Variants in TNFRSF1B observed in about 807,000 individuals in gnomAD.
TNFRSF1B encodes tumor necrosis factor receptor superfamily member 1B.
In TNFRSF1B, 19 loss-of-function variants were observed where a neutral mutation model predicts 44.6. The observed-to-expected ratio is 0.43, with a 90% CI of 0.30 to 0.62. The LOEUF is 0.62. TNFRSF1B is among the 20% of genes least tolerant of loss of function. The pLI is 0.16. For missense variants in TNFRSF1B, 541 were observed against 619.9 expected (o/e 0.87, Z 1.35); for synonymous variants, 252 against 261.1 (o/e 0.97, Z 0.34).
At chr1:12,191,606 A>C (rs931046622) in intron 3 of TNFRSF1B, 168 bp from the exon 4 acceptor site, 2 of 754,408 alleles carry the variant, frequency 2.7e-6, no homozygotes, top group Non-Finnish European at 4.5e-6. Flanking sequence ...GAGTAGCAGG[A>C]CTGCCGGTCC....
At position 12,194,285 on chromosome 1, in the gene TNFRSF1B, G is replaced by A. The variant is rs557988205; in HGVS notation, c.865+253G>A. ...CCTATCCAGGAAGCCTGGGGGATTC[G>A]GGCTTCCTGCAGCAGGTGGTCTCTG... On this transcript the variant is annotated intron_variant, in intron 7 of 9. Coordinates refer to ENST00000376259, the MANE Select transcript of TNFRSF1B (RefSeq NM_001066.3). 5.9e-5 allele frequency among the ~76,000 whole-genome samples: 9 copies of A among 152,264 alleles called. No individual in the cohort carries two copies. The East Asian group carries it at 1.5e-3, about 26-fold the overall frequency.
intron 6 of TNFRSF1B, 24 bp downstream of exon 6, chr1:12,193,122 A>C (rs1161013228): frequency 6.4e-7 from 1 of 1,568,956 alleles, no homozygotes; most frequent in Non-Finnish European, 8.7e-7. Context: ...AGTCTCATTC[A>C]TTCACTCCTT....
chr1:12,185,868 T>C (rs1638975898), intron 1 of TNFRSF1B, among the ~76,000 whole-genome samples: 1 of 152,112 alleles, frequency 6.6e-6, no homozygotes, highest in Non-Finnish European at 1.5e-5. Context: ...CAGGGGGGCT[T>C]CCCATCTAGC....
At chr1:12,205,346 T>G (rs1639479011) in intron 9 of TNFRSF1B, among the ~76,000 whole-genome samples, 1 of 151,814 alleles carries the variant, frequency 6.6e-6, no homozygotes, top group African/African-American at 2.4e-5. Context: ...ATCAAGGTCT[T>G]GGAGCGGCAG....
chr1:12,184,345 A>G (rs1227587553), intron 1 of TNFRSF1B, among the ~76,000 whole-genome samples: 2 of 139,820 alleles, frequency 1.4e-5, no homozygotes, highest in East Asian at 4.1e-4. Context: ...AAGGCTGTGG[A>G]TTTTTTTTTT....
rs759972818 is a variant in TNFRSF1B at position 12,169,007 on chromosome 1, G to A, written c.78+1838G>A. 1.4e-4 allele frequency among the ~76,000 whole-genome samples: 22 copies of A among 152,160 alleles called. No individual in the cohort carries two copies. The highest frequency in any genetic ancestry group is 2.5e-4 in the Non-Finnish European group (17 of 68,026). ...CTCTGTAGAACTGATGATGGTCATCGTGTGTGTCATTGTGCAAAAAGCATT... is the reference window on the plus strand; with the variant it reads ...CTCTGTAGAACTGATGATGGTCATCATGTGTGTCATTGTGCAAAAAGCATT... On this transcript the variant is annotated intron_variant, in intron 1 of 9. Coordinates refer to ENST00000376259, the MANE Select transcript of TNFRSF1B (RefSeq NM_001066.3). The surrounding 1 kb of genome is among the most constrained non-coding windows in gnomAD (Gnocchi z 4.5).
intron 5 of TNFRSF1B, 70 bp downstream of exon 5, chr1:12,192,594 A>G: frequency 6.9e-7 from 1 of 1,453,108 alleles, no homozygotes; most frequent in Non-Finnish European, 9.7e-7. Context: ...TGGGTCCAGG[A>G]CACAGAGCAG....
intron 8 of TNFRSF1B, 26 bp downstream of exon 8, chr1:12,194,644 C>T (rs372085903): frequency 1.1e-4 from 178 of 1,613,844 alleles, no homozygotes; most frequent in Non-Finnish European, 1.4e-4. Context: ...GCCCTCTCCC[C>T]CTCTTCCCCT....
rs1638782967 is a variant in TNFRSF1B at position 12,180,819 on chromosome 1, GCT to G, written c.79-7973_79-7972del. ...CTCTCAGAAGCTCACCTTCTTGCAG[GCT>G]CTCACAGCCGCATCGTCCTCTGGCT... On this transcript the variant is annotated intron_variant, in intron 1 of 9. Transcript: ENST00000376259. The surrounding 1 kb of genome is among the most constrained non-coding windows in gnomAD (Gnocchi z 4.3). Among the ~76,000 whole-genome samples, 1 of 152,146 alleles carries G rather than the reference GCT, an allele frequency of 6.6e-6. No homozygotes were observed. Among genetic ancestry groups the G allele is most frequent in the South Asian group, 2.1e-4 (1 of 4,818 alleles).
intron 1 of TNFRSF1B, among the ~76,000 whole-genome samples, chr1:12,185,073 A>T (rs1185384724): frequency 6.6e-6 from 1 of 152,062 alleles, no homozygotes; most frequent in African/African-American, 2.4e-5. Flanking sequence ...GGGTTTGCCG[A>T]GGGCCAGGAA....
chr1:12,183,283 A>T (rs1570140056), intron 1 of TNFRSF1B, among the ~76,000 whole-genome samples: 1 of 152,170 alleles, frequency 6.6e-6, no homozygotes, highest in South Asian at 2.1e-4. Flanking sequence ...GCTTGCCGCC[A>T]TCCTGGCCCT....
chr1:12,167,465 T>C, intron 1 of TNFRSF1B: 1 of 433,298 alleles, frequency 2.3e-6, no homozygotes, highest in Non-Finnish European at 4.2e-6. Flanking sequence ...CCGGGGCATT[T>C]GGGGCTGAGC....
intron 1 of TNFRSF1B, 122 bp from the exon 2 acceptor site, chr1:12,188,674 C>T: frequency 1.1e-6 from 1 of 878,264 alleles, no homozygotes; most frequent in South Asian, 1.6e-5. Flanking sequence ...ACCTCCCCAG[C>T]CATCATCAGT....
chr1:12,198,740 G>A (rs1433066039), intron 8 of TNFRSF1B, among the ~76,000 whole-genome samples: 1 of 129,624 alleles, frequency 7.7e-6, no homozygotes, highest in Admixed American at 9.6e-5. Flanking sequence ...GCCCAGGCTG[G>A]AGTGCAGTGG....
intron 1 of TNFRSF1B, chr1:12,167,390 G>C: frequency 2.4e-6 from 1 of 425,504 alleles, no homozygotes. Flanking sequence ...CACAACTCTG[G>C]CCCCCGAAGC....
At chr1:12,192,052 T>A in intron 4 of TNFRSF1B, 129 bp downstream of exon 4, 1 of 1,272,922 alleles carries the variant, frequency 7.9e-7, no homozygotes, top group Non-Finnish European at 1.1e-6. Flanking sequence ...GCCAGGTGCC[T>A]GCTACCCATC....
rs1039349362 is a variant in TNFRSF1B, at chr1:12,178,515, G to A, written c.79-10281G>A. 1.3e-5 allele frequency among the ~76,000 whole-genome samples: 2 copies of A among 152,168 alleles called. No homozygotes were observed. The highest frequency in any genetic ancestry group is 2.9e-5 in the Non-Finnish European group (2 of 68,036). On this transcript the variant is annotated intron_variant, in intron 1 of 9. Transcript: ENST00000376259. This position sits in a 1 kb window ranked among gnomAD's most constrained non-coding sequence, Gnocchi z 4.3. The stretch of plus-strand genomic sequence containing the variant: ...GCCCATACAAGGGTGTCAAGGTTGC[G>A]GGGAGGCACGAGGGAACCAATAATT...
rs182217778 is a variant in TNFRSF1B, at chr1:12,186,257, G to A, written c.79-2539G>A. Among the ~76,000 whole-genome samples the A allele has an allele frequency of 2.6e-5, 4 of 152,278 alleles. No homozygotes were observed. In the East Asian group the frequency reaches 5.8e-4, roughly 22 times the overall value. On this transcript the variant is annotated intron_variant, in intron 1 of 9. Transcript: ENST00000376259. This position sits in a 1 kb window ranked among gnomAD's most constrained non-coding sequence, Gnocchi z 4.8. Reference sequence around the variant, plus strand: ...GGGTTTCTAGCCCTGCTTGTCACTCGCTATAGGTGCAGCCAAACGCTCAGC... The same window carrying A: ...GGGTTTCTAGCCCTGCTTGTCACTCACTATAGGTGCAGCCAAACGCTCAGC...
At chr1:12,193,269 A>T in intron 6 of TNFRSF1B, 171 bp downstream of exon 6, 1 of 719,400 alleles carries the variant, frequency 1.4e-6, no homozygotes, top group Non-Finnish European at 2.5e-6. Flanking sequence ...TGGTGCTATC[A>T]TTCAAAATCC....
Sources: allele counts gnomAD v4.1 joint callset (sites outside exome capture counted in the v4.1 genomes callset), GRCh38; gene constraint gnomAD v4.1.1; non-coding constraint Gnocchi (gnomAD v3.1); transcripts MANE v1.5; gene names NCBI Gene and HGNC (gene_info 2026-07-23, HGNC 2026-07-21).